Variants in TCF7L2 observed in about 807,000 individuals in gnomAD.
The protein encoded by TCF7L2 is transcription factor 7 like 2.
In TCF7L2, 23 loss-of-function variants were observed where a neutral mutation model predicts 77.9. The observed-to-expected ratio is 0.30, with a 90% confidence interval of 0.21 to 0.42. TCF7L2 has a LOEUF of 0.42. Among genes scored for constraint, TCF7L2 ranks in the 10% least tolerant of loss-of-function variants. TCF7L2 has a pLI of 1.00. For missense variants in TCF7L2, 654 were observed against 793.1 expected, an observed-to-expected ratio of 0.82 and a Z score of 2.11; for synonymous variants, 413 against 340.2, an observed-to-expected ratio of 1.21 and a Z score of -2.36.
chr10:113,129,938 T>C, intron 5 of TCF7L2: 1 of 1,293,654 alleles, frequency 7.7e-7, no homozygotes, highest in Non-Finnish European at 1.0e-6. Flanking sequence ...GCCTCCGGGG[T>C]CTCTCTGTTC....
At chr10:112,963,282 G>A (rs573874286) in intron 3 of TCF7L2, among the ~76,000 whole-genome samples, 48 of 152,018 alleles carry the variant, frequency 3.2e-4, no homozygotes, top group Non-Finnish European at 5.3e-4. Context: ...GTTCTTATGT[G>A]ATTTTTTCCA....
intron 4 of TCF7L2, among the ~76,000 whole-genome samples, chr10:112,969,996 T>G (rs1220618070): frequency 6.6e-6 from 1 of 152,182 alleles, no homozygotes; most frequent in East Asian, 1.9e-4. Flanking sequence ...TCCCTTGGTT[T>G]TTGGAAGGGC....
Position 112,998,979 on chromosome 10 carries a change from C to G in TCF7L2, c.450+34355C>G, listed in dbSNP as rs772527670. 9.9e-5 allele frequency among the ~76,000 whole-genome samples: 15 copies of G among 152,208 alleles called. 1 individual carries two copies. The highest frequency in any genetic ancestry group is 7.9e-4 in the Admixed American group (12 of 15,280). ...ATGGATTTGAGGCTCTCTGTGCTTT[C>G]CCCCCAGCAAAGTGAATACCAGACT... On this transcript the variant is annotated intron_variant, in intron 4 of 13. Transcript: ENST00000627217.
chr10:113,019,979 G>A (rs946538673), intron 4 of TCF7L2, among the ~76,000 whole-genome samples: 3 of 152,140 alleles, frequency 2.0e-5, no homozygotes, highest in African/African-American at 7.2e-5. Flanking sequence ...CCTTTGAGCC[G>A]GTGGCCTGCT....
chr10:113,016,044 G>T (rs1343053181), intron 4 of TCF7L2, among the ~76,000 whole-genome samples: 7 of 149,828 alleles, frequency 4.7e-5, no homozygotes, highest in African/African-American at 1.8e-4. Context: ...GTATTGCTAG[G>T]CTAGGCCATG....
intron 5 of TCF7L2, among the ~76,000 whole-genome samples, chr10:113,131,278 G>C (rs1287566692): frequency 1.3e-5 from 2 of 152,180 alleles, no homozygotes; most frequent in African/African-American, 4.8e-5. Context: ...ATTAAATTCT[G>C]TGTGTCAAAT....
At chr10:112,999,739 C>T (rs1009429796) in intron 4 of TCF7L2, among the ~76,000 whole-genome samples, 2 of 152,130 alleles carry the variant, frequency 1.3e-5, no homozygotes, top group African/African-American at 2.4e-5. Context: ...GTATAAACCT[C>T]GGGAACAGTG....
chr10:113,143,928 C>T lies in TCF7L2; in HGVS notation c.691C>T (p.Pro231Ser), dbSNP rs2136928886. The change falls in exon 7 of 14, where the codon CCA becomes TCA. Residue 231 changes from proline (P) to serine (S), a missense_variant. Pro to Ser is a moderately conservative substitution (Grantham distance 74, BLOSUM62 -1). Coordinates refer to ENST00000627217, the MANE Select transcript of TCF7L2 (RefSeq NM_001146274.2). ...AATGCTGCTTCTTCCCTCAGGAATC[C>T]CACGGCCTCCGCACCCTCCAGATAT... The T allele has an allele frequency of 3.1e-6, 5 of 1,612,774 alleles. No individual in the cohort carries two copies. The highest frequency in any genetic ancestry group is 4.2e-6 in the Non-Finnish European group (5 of 1,179,200).
At chr10:112,984,450 T>C (rs921832927) in intron 4 of TCF7L2, among the ~76,000 whole-genome samples, 7 of 152,200 alleles carry the variant, frequency 4.6e-5, no homozygotes, top group Non-Finnish European at 1.0e-4. Flanking sequence ...GCAAGAGCAG[T>C]GCCTTACCTC....
chr10:113,012,031 G>A (rs2046554691), intron 4 of TCF7L2, among the ~76,000 whole-genome samples: 1 of 152,178 alleles, frequency 6.6e-6, no homozygotes, highest in African/African-American at 2.4e-5. Context: ...TTGCCGTTGA[G>A]TATTACTCCC....
chr10:112,971,532 ACTCCTGACCTCAGATGATC>A (rs1564729019), intron 4 of TCF7L2, among the ~76,000 whole-genome samples: 1 of 148,466 alleles, frequency 6.7e-6, no homozygotes, highest in African/African-American at 2.5e-5. Context: ...CTGGTCTTGA[ACTCCTGACCTCAGATGATC>A]CTCCTGCCTT....
rs541797665 is a variant in TCF7L2 at position 113,117,815 on chromosome 10, G to A, written c.553-23369G>A. 1.4e-4 allele frequency among the ~76,000 whole-genome samples: 22 copies of A among 152,214 alleles called. No homozygotes were observed. In the East Asian group the frequency reaches 3.9e-3, roughly 27 times the overall value. ...AGATCAAAAAATCAATGGGCCGCAG[G>A]AATGCAATCTGTTTACCGGGGTGTA... On this transcript the variant is annotated intron_variant, in intron 5 of 13. Coordinates refer to ENST00000627217, the MANE Select transcript of TCF7L2 (RefSeq NM_001146274.2).
intron 5 of TCF7L2, among the ~76,000 whole-genome samples, chr10:113,123,683 TC>T (rs1392617059): frequency 2.0e-5 from 3 of 152,192 alleles, no homozygotes; most frequent in Non-Finnish European, 4.4e-5. Flanking sequence ...CTTAAGTGAA[TC>T]ATATCTAGGC....
chr10:113,106,062 C>A (rs1230995504), intron 5 of TCF7L2, among the ~76,000 whole-genome samples: 1 of 152,184 alleles, frequency 6.6e-6, no homozygotes, highest in Non-Finnish European at 1.5e-5. Context: ...CTCTGAGGTA[C>A]TCCCTTGAAC....
At chr10:113,130,036 C>T (rs542258564) in intron 5 of TCF7L2, 5 of 1,178,702 alleles carry the variant, frequency 4.2e-6, no homozygotes, top group African/African-American at 3.3e-5. Flanking sequence ...TGTGTATGTT[C>T]GTGTCCATGC....
chr10:112,970,915 C>T lies in TCF7L2; in HGVS notation c.450+6291C>T, dbSNP rs149068095. On this transcript the variant is annotated intron_variant, in intron 4 of 13. Transcript: ENST00000627217. ...GACTTAGGCTGTGACATTTCATGTCCATTTTCCACAAAGGAATGAAGAATT... is the reference window on the plus strand; with the variant it reads ...GACTTAGGCTGTGACATTTCATGTCTATTTTCCACAAAGGAATGAAGAATT... Among the ~76,000 whole-genome samples, 296 of 152,310 alleles carry T rather than the reference C, an allele frequency of 1.9e-3. 2 individuals carry two copies. The highest frequency in any genetic ancestry group is 7.0e-3 in the African/African-American group (290 of 41,564).
chr10:113,098,429 G>T (rs1314821633), intron 5 of TCF7L2, among the ~76,000 whole-genome samples: 1 of 152,016 alleles, frequency 6.6e-6, no homozygotes, highest in Non-Finnish European at 1.5e-5. Flanking sequence ...ATTTTAGGCC[G>T]GGCTCGGTGG....
chr10:113,026,862 AG>A (rs1259308793), intron 4 of TCF7L2, among the ~76,000 whole-genome samples: 2 of 152,182 alleles, frequency 1.3e-5, no homozygotes, highest in Admixed American at 6.5e-5. Context: ...CCTTTTGGGG[AG>A]GGAATACCCA....
chr10:112,993,728 T>C (rs1460460505), intron 4 of TCF7L2, among the ~76,000 whole-genome samples: 1 of 152,100 alleles, frequency 6.6e-6, no homozygotes, highest in Non-Finnish European at 1.5e-5. Flanking sequence ...TCGCAAGCTG[T>C]CTTGGGCCAA....
Sources: gnomAD v4.1 joint callset for allele counts (sites outside exome capture counted in the v4.1 genomes callset) on GRCh38, gnomAD v4.1.1 for gene constraint, MANE v1.5 for transcripts, NCBI Gene and HGNC (gene_info 2026-07-23, HGNC 2026-07-21) for gene names.